RPH3A: variants seen among roughly 807,000 people sequenced by gnomAD.
The protein encoded by RPH3A is rabphilin 3A, also known as rabphilin-3A.
In RPH3A, 48 loss-of-function variants were observed where a neutral mutation model predicts 102.2. That is an observed-to-expected ratio of 0.47 (90% CI 0.37 to 0.60). The LOEUF (loss-of-function observed/expected upper bound fraction) is 0.60. RPH3A is among the 20% of genes least tolerant of loss of function. RPH3A has a pLI of 0.00. For synonymous variants in RPH3A, 310 were observed against 324.3 expected (o/e 0.96, Z 0.47); for missense variants, 781 against 910.1 (o/e 0.86, Z 1.83).
At chr12:112,615,490 G>T (rs1034862176) in intron 1 of RPH3A, among the ~76,000 whole-genome samples, 1 of 152,146 alleles carries the variant, frequency 6.6e-6, no homozygotes, top group African/African-American at 2.4e-5. Flanking sequence ...AGCAAAGAAG[G>T]AAAAGGTATC....
intron 1 of RPH3A, among the ~76,000 whole-genome samples, chr12:112,643,505 C>A: frequency 6.6e-6 from 1 of 152,230 alleles, no homozygotes; most frequent in East Asian, 1.9e-4. Context: ...TGTGTGCCCA[C>A]CCCTGCTCTG....
intron 2 of RPH3A, among the ~76,000 whole-genome samples, chr12:112,806,258 A>T (rs1170174394): frequency 6.6e-6 from 1 of 152,244 alleles, no homozygotes; most frequent in Non-Finnish European, 1.5e-5. Flanking sequence ...ATTTGCTTAA[A>T]CTATTTTGTT....
chr12:112,820,244 G>A (rs1743203943), intron 2 of RPH3A, among the ~76,000 whole-genome samples: 1 of 152,162 alleles, frequency 6.6e-6, no homozygotes, highest in South Asian at 2.1e-4. Context: ...TTTAGCTGCT[G>A]GAGAGAACGA....
At chr12:112,682,520 T>A (rs2040234727) in intron 1 of RPH3A, among the ~76,000 whole-genome samples, 1 of 152,100 alleles carries the variant, frequency 6.6e-6, no homozygotes, top group Non-Finnish European at 1.5e-5. Flanking sequence ...TTTAACCCAG[T>A]CAAGTTAACA....
intron 1 of RPH3A, among the ~76,000 whole-genome samples, chr12:112,676,562 GA>G (rs2040175959): frequency 6.6e-6 from 1 of 152,226 alleles, no homozygotes; most frequent in South Asian, 2.1e-4. Context: ...ATAAGAGAGC[GA>G]CTAGGCCTTC....
intron 1 of RPH3A, among the ~76,000 whole-genome samples, chr12:112,671,141 A>C (rs1355055304): frequency 6.6e-6 from 1 of 152,262 alleles, no homozygotes; most frequent in African/African-American, 2.4e-5. Flanking sequence ...CTGACTTTGA[A>C]AAATGAACAT....
intron 1 of RPH3A, among the ~76,000 whole-genome samples, chr12:112,582,236 T>C (rs2039405515): frequency 6.8e-6 from 1 of 147,344 alleles, no homozygotes; most frequent in Admixed American, 6.8e-5. Flanking sequence ...CCTGTCTTCA[T>C]GAACATTATG....
chr12:112,672,666 GC>G (rs1439653479), intron 1 of RPH3A, among the ~76,000 whole-genome samples: 1 of 152,170 alleles, frequency 6.6e-6, no homozygotes, highest in Admixed American at 6.5e-5. Context: ...GGTCCTGGGG[GC>G]ATGCTCACTT....
intron 1 of RPH3A, among the ~76,000 whole-genome samples, chr12:112,666,173 A>G (rs1413357312): frequency 6.6e-6 from 1 of 152,214 alleles, no homozygotes; most frequent in Non-Finnish European, 1.5e-5. Context: ...GCCACAATGT[A>G]GGTCACTGAC....
intron 14 of RPH3A, among the ~76,000 whole-genome samples, chr12:112,880,902 G>A (rs1314876208): frequency 6.6e-6 from 1 of 152,154 alleles, no homozygotes; most frequent in African/African-American, 2.4e-5. Flanking sequence ...TATTCATTAA[G>A]TGGAAGTGGA....
At chr12:112,873,265 C>A (rs2042737371) in intron 10 of RPH3A, among the ~76,000 whole-genome samples, 1 of 152,178 alleles carries the variant, frequency 6.6e-6, no homozygotes, top group Non-Finnish European at 1.5e-5. Context: ...TTGTAGTCAT[C>A]TTCACATAAT....
chr12:112,879,431 T>C (rs999981801), intron 14 of RPH3A, among the ~76,000 whole-genome samples: 1 of 152,220 alleles, frequency 6.6e-6, no homozygotes, highest in Non-Finnish European at 1.5e-5. Flanking sequence ...TGGGAGTACA[T>C]GCAGCTGGGC....
At chr12:112,811,584 AAG>A (rs1476187033) in intron 2 of RPH3A, among the ~76,000 whole-genome samples, 1 of 151,104 alleles carries the variant, frequency 6.6e-6, no homozygotes, top group Non-Finnish European at 1.5e-5. Context: ...AACAAGAAGA[AAG>A]AGACCTGCTT....
At chr12:112,822,681 A>C (rs962381191) in intron 2 of RPH3A, among the ~76,000 whole-genome samples, 9 of 152,200 alleles carry the variant, frequency 5.9e-5, no homozygotes, top group Non-Finnish European at 4.4e-5. Flanking sequence ...AGTGCTTATT[A>C]TTAGACGTTT....
intron 5 of RPH3A, among the ~76,000 whole-genome samples, chr12:112,849,117 T>C (rs1397560809): frequency 6.6e-6 from 1 of 152,194 alleles, no homozygotes; most frequent in Non-Finnish European, 1.5e-5. Context: ...AGCTGGGGGT[T>C]AACGAGGTTC....
intron 1 of RPH3A, among the ~76,000 whole-genome samples, chr12:112,770,286 TTTTATTTA>T (rs145575659): frequency 6.6e-6 from 1 of 151,476 alleles, no homozygotes; most frequent in African/African-American, 2.4e-5. Flanking sequence ...TCTGTCATTC[TTTTATTTA>T]TTTATTTATT....
At chr12:112,791,293 A>T (rs904003803), upstream of RPH3A, 1 of 152,316 alleles carries the variant, frequency 6.6e-6, no homozygotes, top group African/African-American at 2.4e-5. Context: ...TTGTCTGAGC[A>T]GAGAGGAGCA....
At position 112,678,327 on chromosome 12, in the gene RPH3A, A is replaced by AGG. The variant is rs2040201699; in HGVS notation, c.-140+103008_-140+103009insGG. On this transcript the variant is annotated intron_variant, in intron 1 of 21. Coordinates refer to the RPH3A transcript ENST00000543106. Reference sequence around the variant, plus strand: ...AAAGAGAGAGAGAGAGAAAGAAAGAAAGAAGGAAGGAAGGAAGGAAGGAAG... The same window carrying AGG: ...AAAGAGAGAGAGAGAGAAAGAAAGAAGGAGAAGGAAGGAAGGAAGGAAGGAAG... Among the ~76,000 whole-genome samples the AGG allele has an allele frequency of 8.1e-4, 71 of 88,074 alleles. 16 individuals are homozygous for AGG. Among genetic ancestry groups the AGG allele is most frequent in the African/African-American group, 2.6e-3 (65 of 24,740 alleles). 57.8% of individuals were successfully genotyped at this position (88,074 alleles called of 152,430 possible).
intron 5 of RPH3A, among the ~76,000 whole-genome samples, chr12:112,859,869 A>C (rs1260337275): frequency 1.3e-5 from 2 of 152,186 alleles, no homozygotes; most frequent in African/African-American, 4.8e-5. Flanking sequence ...CATTCCCCCC[A>C]CACAGTGGCT....
Sources: allele counts gnomAD v4.1 joint callset (sites outside exome capture counted in the v4.1 genomes callset), GRCh38; gene constraint gnomAD v4.1.1; transcripts MANE v1.5; gene names NCBI Gene and HGNC (gene_info 2026-07-23, HGNC 2026-07-21).